Variants in CELF2 observed in about 807,000 individuals in gnomAD.
CELF2 encodes the protein CUGBP Elav-like family member 2.
CELF2 carries 8 observed loss-of-function variants against 62.6 expected under a neutral mutation model. The ratio of observed to expected loss-of-function variants is 0.13; its 90% CI spans 0.07 to 0.23. The LOEUF is 0.23. CELF2 is among the 10% of genes least tolerant of loss of function. CELF2 has a pLI of 1.00. For synonymous variants in CELF2, 258 were observed against 250.0 expected, an observed-to-expected ratio of 1.03 and a Z score of -0.30; for missense variants, 333 against 671.0, an observed-to-expected ratio of 0.50 and a Z score of 5.56.
At chr10:11,208,530 G>A (rs985952713) in intron 2 of CELF2, among the ~76,000 whole-genome samples, 3 of 152,208 alleles carry the variant, frequency 2.0e-5, no homozygotes, top group African/African-American at 4.8e-5. Flanking sequence ...CTGCCTGTCC[G>A]CATTCTCCCT....
At chr10:10,593,288 C>T in the CELF2 span, among the ~76,000 whole-genome samples, 1 of 152,152 alleles carries the variant, frequency 6.6e-6, no homozygotes, top group Non-Finnish European at 1.5e-5. Context: ...TTGGTCTGGG[C>T]CAGCTTGGCC....
chr10:10,846,252 GT>G (rs547967443), intron 1 of CELF2: 54 of 302,964 alleles, frequency 1.8e-4, no homozygotes, highest in African/African-American at 1.1e-3. Context: ...AGGTTTCAGT[GT>G]TTTTTCCAAG....
intron 2 of CELF2, among the ~76,000 whole-genome samples, chr10:11,183,086 C>T (rs2073919767): frequency 6.6e-6 from 1 of 152,208 alleles, no homozygotes; most frequent in African/African-American, 2.4e-5. Flanking sequence ...ACAAACACAT[C>T]TCTCACCCCT....
At chr10:11,186,081 A>G (rs2074789702) in intron 2 of CELF2, among the ~76,000 whole-genome samples, 1 of 152,144 alleles carries the variant, frequency 6.6e-6, no homozygotes, top group Admixed American at 6.5e-5. Context: ...TAATATGTCC[A>G]TTTACCCTAC....
chr10:10,715,622 C>G, the CELF2 span, among the ~76,000 whole-genome samples: 3 of 152,094 alleles, frequency 2.0e-5, no homozygotes, highest in Non-Finnish European at 4.4e-5. Flanking sequence ...TGAAATAAAA[C>G]ATTCCCAAGG....
In CELF2 at chr10:11,046,211, G is replaced by T. The variant is rs1334113179; in HGVS notation, c.74+28048G>T. 6.6e-6 allele frequency among the ~76,000 whole-genome samples: 1 copy of T among 152,178 alleles called. No individual in the cohort carries two copies. Among genetic ancestry groups the T allele is most frequent in the South Asian group, 2.1e-4 (1 of 4,832 alleles). On this transcript the variant is annotated intron_variant, in intron 1 of 12. Transcript: ENST00000633077. The surrounding 1 kb of genome is among the most constrained non-coding windows in gnomAD (Gnocchi z 4.6). ...CACCGCTTGTCTAACAACACCGAAC[G>T]CTGGGCCCATCCCCAGACGTTCCGA...
chr10:10,855,829 TA>T (rs2059671803), intron 1 of CELF2, among the ~76,000 whole-genome samples: 2 of 152,208 alleles, frequency 1.3e-5, no homozygotes, highest in African/African-American at 4.8e-5. Flanking sequence ...ACTGGTTTTG[TA>T]ACCTTCCAGC....
At chr10:10,518,607 A>G in the CELF2 span, among the ~76,000 whole-genome samples, 1 of 152,184 alleles carries the variant, frequency 6.6e-6, no homozygotes, top group African/African-American at 2.4e-5. Flanking sequence ...TTCTTAATGA[A>G]ATACTAAGTG....
At chr10:10,730,337 C>A in the CELF2 span, among the ~76,000 whole-genome samples, 1 of 152,108 alleles carries the variant, frequency 6.6e-6, no homozygotes, top group African/African-American at 2.4e-5. Context: ...ATTAACTGGG[C>A]ATGGTGATGC....
chr10:11,169,047 G>T (rs1429709178), intron 2 of CELF2: 1 of 152,232 alleles, frequency 6.6e-6, no homozygotes, highest in South Asian at 2.1e-4. Context: ...TGGCTCTACT[G>T]CTTCTTTGCT....
In CELF2 at chr10:11,321,791, T is replaced by C. The variant is rs116606052; in HGVS notation, c.1294+405T>C. Among the ~76,000 whole-genome samples the C allele has an allele frequency of 3.4e-3, 512 of 152,346 alleles. 3 individuals are homozygous for C. Among genetic ancestry groups the C allele is most frequent in the African/African-American group, 0.011 (478 of 41,574 alleles). On this transcript the variant is annotated intron_variant, in intron 11 of 12. Transcript: ENST00000633077. This position sits in a 1 kb window ranked among gnomAD's most constrained non-coding sequence, Gnocchi z 6.2. ...TTTTCATCGATCTCTTCAGATGAAG[T>C]TCTTGTCCATTGTATATTTATATAC...
the CELF2 span, among the ~76,000 whole-genome samples, chr10:10,782,747 C>T: frequency 6.6e-6 from 1 of 152,202 alleles, no homozygotes; most frequent in Non-Finnish European, 1.5e-5. Context: ...CCTTTGCTCT[C>T]TTGTGACCAG....
intron 1 of CELF2, among the ~76,000 whole-genome samples, chr10:10,851,102 G>T (rs1015871904): frequency 6.6e-6 from 1 of 152,118 alleles, no homozygotes; most frequent in Non-Finnish European, 1.5e-5. Context: ...CACTGTGCCC[G>T]CCAAGAAACT....
In CELF2 at chr10:11,017,962, C is replaced by T; in HGVS notation, c.-128C>T. The T allele has an allele frequency of 6.1e-6, 6 of 987,726 alleles. No homozygotes were observed. The highest frequency in any genetic ancestry group is 7.2e-6 in the Non-Finnish European group (6 of 832,894). The allele number at this position is 987,726 out of a possible 1,614,324, so 61.2% of individuals were successfully genotyped here. On this transcript the variant is annotated 5_prime_UTR_variant, in exon 1 of 13. Coordinates refer to ENST00000633077, the MANE Select transcript of CELF2 (RefSeq NM_001326342.2). This position sits in a 1 kb window ranked among gnomAD's most constrained non-coding sequence, Gnocchi z 5.5. ...GGCGGAGCGCGAGGAGAGAATGTGACAAGTGCCGGCTCGGCGGCCGCCGGG... is the reference window on the plus strand; with the variant it reads ...GGCGGAGCGCGAGGAGAGAATGTGATAAGTGCCGGCTCGGCGGCCGCCGGG...
At chr10:10,958,027 G>C in intron 2 of CELF2, among the ~76,000 whole-genome samples, 1 of 152,284 alleles carries the variant, frequency 6.6e-6, no homozygotes, top group South Asian at 2.1e-4. Flanking sequence ...AATGTGAGTG[G>C]TTCTTTAGGC....
the CELF2 span, among the ~76,000 whole-genome samples, chr10:10,588,151 C>A: frequency 6.6e-6 from 1 of 151,998 alleles, no homozygotes; most frequent in Non-Finnish European, 1.5e-5. Flanking sequence ...TGTTTGGCAA[C>A]GGGCAGTCTC....
At chr10:10,986,859 G>T (rs896375683) in intron 2 of CELF2, among the ~76,000 whole-genome samples, 7 of 152,180 alleles carry the variant, frequency 4.6e-5, no homozygotes, top group African/African-American at 1.7e-4. Flanking sequence ...AATATAATGG[G>T]TTTATATGAC....
At chr10:10,923,073 C>T (rs954294177) in intron 2 of CELF2, 3 of 152,052 alleles carry the variant, frequency 2.0e-5, no homozygotes, top group African/African-American at 4.8e-5. Flanking sequence ...CAGCCTGTCA[C>T]GGGGAAAGTA....
intron 1 of CELF2, among the ~76,000 whole-genome samples, chr10:10,913,891 A>AAGGAAGAAGGAAGGG (rs2064075846): frequency 9.7e-6 from 1 of 102,770 alleles, no homozygotes; most frequent in Admixed American, 1.0e-4. Context: ...AGGAAGAAGG[A>AAGGAAGAAGGAAGGG]AGGGAGGGAG....
Sources: allele counts gnomAD v4.1 joint callset (sites outside exome capture counted in the v4.1 genomes callset), GRCh38; gene constraint gnomAD v4.1.1; non-coding constraint Gnocchi (gnomAD v3.1); transcripts MANE v1.5; gene names NCBI Gene and HGNC (gene_info 2026-07-23, HGNC 2026-07-21).